PUM2: variants seen among roughly 807,000 people sequenced by gnomAD.
PUM2 encodes pumilio RNA binding family member 2.
PUM2 carries 57 observed loss-of-function variants against 124.5 expected under a neutral mutation model. That is an observed-to-expected ratio of 0.46 (90% CI 0.37 to 0.57). PUM2 has a LOEUF of 0.57. Ranked by LOEUF, PUM2 falls within the 20% of genes least tolerant of loss-of-function variation. The pLI is 0.00. For missense variants in PUM2, 1,065 were observed against 1,290.6 expected (o/e 0.83, Z 2.68); for synonymous variants, 460 against 446.1 (o/e 1.03, Z -0.39).
intron 4 of PUM2, 148 bp from the exon 5 acceptor site, chr2:20,311,811 G>C: frequency 1.1e-6 from 1 of 933,946 alleles, no homozygotes; most frequent in African/African-American, 1.7e-5. Flanking sequence ...ATTTATCAAA[G>C]GCCAAAAAAT....
rs187693750 is a variant in PUM2 at position 20,272,260 on chromosome 2, T to C, written c.1957+6323A>G. Among the ~76,000 whole-genome samples the C allele has an allele frequency of 2.2e-3, 330 of 152,312 alleles. 2 individuals are homozygous for C. The highest frequency in any genetic ancestry group is 4.4e-3 in the Admixed American group (67 of 15,308). The stretch of plus-strand genomic sequence containing the variant: ...ACATCTGGAAGAAGCCAGATAAACG[T>C]GGGCTCAAAATTTTGGTTCTGCCTC... On this transcript the variant is annotated intron_variant, in intron 13 of 20. Transcript: ENST00000361078.
chr2:20,350,924 A>C (rs1037877985), upstream of PUM2: 29 of 354,052 alleles, frequency 8.2e-5, 1 homozygote, highest in African/African-American at 4.5e-5. Context: ...GGCTCCTTTT[A>C]ATGCCTTGCG....
intron 10 of PUM2, among the ~76,000 whole-genome samples, chr2:20,285,655 T>C (rs1572711008): frequency 6.6e-6 from 1 of 152,168 alleles, no homozygotes; most frequent in Non-Finnish European, 1.5e-5. Flanking sequence ...GACAAATATT[T>C]ATCAAGTGGC....
rs1171377449 is a variant in PUM2 at position 20,249,764 on chromosome 2, T to C, written c.*1821A>G. ...ACATAAGTGGGTCAACATAAATGTT[T>C]ATACAAAATACTGACTTCAACAAAA... is the stretch of plus-strand genomic sequence containing the variant. On this transcript the variant is annotated 3_prime_UTR_variant, in exon 21 of 21. Transcript: ENST00000361078. 2.0e-5 allele frequency: 3 copies of C among 152,796 alleles called. No individual in the cohort carries two copies. Among genetic ancestry groups the C allele is most frequent in the South Asian group, 2.1e-4 (1 of 4,830 alleles). 9.5% of individuals were successfully genotyped at this position (152,796 alleles called of 1,614,324 possible).
intron 10 of PUM2, among the ~76,000 whole-genome samples, chr2:20,289,271 C>T (rs545817516): frequency 4.6e-5 from 7 of 152,144 alleles, no homozygotes; most frequent in Non-Finnish European, 1.0e-4. Context: ...CTTCTTAATT[C>T]CAGGTTCCAC....
At chr2:20,300,041 T>A (rs1270820079) in intron 7 of PUM2, among the ~76,000 whole-genome samples, 1 of 152,170 alleles carries the variant, frequency 6.6e-6, no homozygotes, top group Non-Finnish European at 1.5e-5. Flanking sequence ...GAGAATAGAC[T>A]CTGTTCCTTA....
intron 13 of PUM2, among the ~76,000 whole-genome samples, chr2:20,264,701 T>A (rs560491624): frequency 9.9e-5 from 15 of 152,178 alleles, no homozygotes; most frequent in African/African-American, 3.4e-4. Flanking sequence ...ATGCTATTAT[T>A]ATATGCAAAA....
At chr2:20,320,416 T>C (rs933313662) in intron 2 of PUM2, among the ~76,000 whole-genome samples, 2 of 152,188 alleles carry the variant, frequency 1.3e-5, no homozygotes, top group Non-Finnish European at 2.9e-5. Context: ...AGGTAAATGG[T>C]ACTGCTATTG....
chr2:20,290,207 C>T (rs1025151297), intron 10 of PUM2, among the ~76,000 whole-genome samples: 2 of 152,140 alleles, frequency 1.3e-5, no homozygotes, highest in Admixed American at 6.5e-5. Flanking sequence ...GTTTTAAACG[C>T]TATAAATGGG....
intron 7 of PUM2, among the ~76,000 whole-genome samples, chr2:20,305,901 A>G (rs1397201311): frequency 6.6e-6 from 1 of 152,226 alleles, no homozygotes; most frequent in Non-Finnish European, 1.5e-5. Context: ...GAACAAAAAT[A>G]AAGACACATC....
chr2:20,273,523 G>C (rs1416548490), intron 13 of PUM2, among the ~76,000 whole-genome samples: 1 of 152,148 alleles, frequency 6.6e-6, no homozygotes, highest in African/African-American at 2.4e-5. Context: ...TAAAAAATTA[G>C]TAATCTAAAA....
intron 1 of PUM2, among the ~76,000 whole-genome samples, chr2:20,337,126 G>C (rs902028965): frequency 1.3e-5 from 2 of 151,886 alleles, no homozygotes; most frequent in Admixed American, 1.3e-4. Flanking sequence ...ATTTTGAAGC[G>C]GGGGAAGCAG....
chr2:20,294,264 G>A, intron 9 of PUM2, 112 bp downstream of exon 9: 1 of 1,167,322 alleles, frequency 8.6e-7, no homozygotes, highest in Non-Finnish European at 1.2e-6. Flanking sequence ...TGTATGCCAG[G>A]AGTCGTGTTA....
rs764029682 is a variant in PUM2, at chr2:20,283,093, C to T, written c.1574G>A (p.Gly525Glu). ...GGAGCTATTAGTCAAAGAACTGCTT[C>T]CATAAAATGAATTAGATTGCAGATT... ...STNLQSNSFY[G>E]SSSLTNSSQS... The change falls in exon 12 of 21, where the codon GGA becomes GAA. Residue 525 changes from glycine (G) to glutamate (E), a missense_variant. Around this residue, in one of 3 missense-constraint regions of PUM2, gnomAD observed 968 missense variants for 1,159.8 expected, o/e 0.83. Transcript: ENST00000361078. 1.9e-6 allele frequency: 3 copies of T among 1,613,988 alleles called. No homozygotes were observed. Among genetic ancestry groups the T allele is most frequent in the Non-Finnish European group, 2.5e-6 (3 of 1,180,036 alleles).
chr2:20,332,814 A>G (rs1025453236), intron 1 of PUM2, among the ~76,000 whole-genome samples: 1 of 152,230 alleles, frequency 6.6e-6, no homozygotes, highest in Non-Finnish European at 1.5e-5. Flanking sequence ...AACTGGTTAT[A>G]TACTATTTCA....
intron 13 of PUM2, among the ~76,000 whole-genome samples, chr2:20,272,153 T>G (rs549058465): frequency 1.7e-5 from 2 of 115,704 alleles, no homozygotes; most frequent in Admixed American, 1.8e-4. Context: ...CAAGACTTCG[T>G]CAAATGAATG....
At chr2:20,333,228 T>G (rs924418849) in intron 1 of PUM2, among the ~76,000 whole-genome samples, 1 of 152,188 alleles carries the variant, frequency 6.6e-6, no homozygotes, top group Non-Finnish European at 1.5e-5. Context: ...TCCTATTTAC[T>G]AGTGCATAAT....
intron 1 of PUM2, among the ~76,000 whole-genome samples, chr2:20,327,918 C>T (rs1236764087): frequency 6.6e-6 from 1 of 152,082 alleles, no homozygotes; most frequent in East Asian, 1.9e-4. Context: ...TCAGATGACG[C>T]CTGAACTGCA....
At chr2:20,333,052 T>C (rs1287138949) in intron 1 of PUM2, 1 of 152,220 alleles carries the variant, frequency 6.6e-6, no homozygotes, top group East Asian at 1.9e-4. Flanking sequence ...TTTTTGAGGT[T>C]ATGACTGTTT....
Sources: allele counts gnomAD v4.1 joint callset (sites outside exome capture counted in the v4.1 genomes callset), GRCh38; gene constraint gnomAD v4.1.1; regional missense constraint gnomAD v4.1.1; transcripts MANE v1.5; gene names NCBI Gene and HGNC (gene_info 2026-07-23, HGNC 2026-07-21).